The following FAM13A variants were observed in gnomAD, a reference collection of about 807,000 sequenced individuals.
FAM13A encodes protein FAM13A.
FAM13A carries 76 observed loss-of-function variants against 129.6 expected under a neutral mutation model. The ratio of observed to expected loss-of-function variants is 0.59; its 90% CI spans 0.49 to 0.71. The LOEUF (loss-of-function observed/expected upper bound fraction) is 0.71. Among genes scored for constraint, FAM13A ranks in the 30% least tolerant of loss-of-function variants. The pLI is 0.00. For missense variants in FAM13A, 1,108 were observed against 1,249.3 expected, an observed-to-expected ratio of 0.89 and a Z score of 1.70; for synonymous variants, 443 against 449.9, an observed-to-expected ratio of 0.98 and a Z score of 0.20.
chr4:88,880,570 C>T (rs184275566), intron 6 of FAM13A, among the ~76,000 whole-genome samples: 29 of 152,156 alleles, frequency 1.9e-4, no homozygotes, highest in South Asian at 2.1e-4. Flanking sequence ...TTCCACCGAA[C>T]GCAGAGTTTC....
chr4:88,984,252 A>C (rs564588704), intron 4 of FAM13A, among the ~76,000 whole-genome samples: 54 of 152,288 alleles, frequency 3.5e-4, no homozygotes, highest in African/African-American at 1.3e-3. Flanking sequence ...CTCAGGTACA[A>C]CACAAAAAGC....
At chr4:88,996,268 G>A (rs1050669679) in intron 3 of FAM13A, among the ~76,000 whole-genome samples, 3 of 152,180 alleles carry the variant, frequency 2.0e-5, no homozygotes, top group African/African-American at 7.2e-5. Context: ...GCTGTGGGGA[G>A]ACATGATCTG....
intron 6 of FAM13A, among the ~76,000 whole-genome samples, chr4:88,902,471 G>A (rs944484412): frequency 4.0e-5 from 6 of 151,800 alleles, no homozygotes; most frequent in Admixed American, 1.3e-4. Flanking sequence ...ATCAGTAAAT[G>A]TGATTCATCA....
intron 3 of FAM13A, among the ~76,000 whole-genome samples, chr4:89,004,651 G>C (rs1244427632): frequency 1.3e-5 from 2 of 152,188 alleles, no homozygotes; most frequent in African/African-American, 4.8e-5. Context: ...AGTTAGAATA[G>C]AGAAAGGCTA....
intron 6 of FAM13A, among the ~76,000 whole-genome samples, chr4:88,897,131 AT>A (rs1746482552): frequency 6.6e-6 from 1 of 152,142 alleles, no homozygotes. Flanking sequence ...GTAGAAGAAA[AT>A]TTTGTCTTCT....
intron 2 of FAM13A, among the ~76,000 whole-genome samples, chr4:89,027,926 C>G (rs540007119): frequency 6.6e-6 from 1 of 151,812 alleles, no homozygotes; most frequent in Non-Finnish European, 1.5e-5. Flanking sequence ...AATTGGTGGC[C>G]GGGTGCAGTG....
intron 7 of FAM13A, among the ~76,000 whole-genome samples, chr4:88,822,629 G>A (rs2869951): frequency 0.5 from 76,499 of 151,974 alleles, 19,545 homozygotes; most frequent in Middle Eastern, 0.61. Flanking sequence ...GCCTTAGCAG[G>A]AACACTGCTA....
intron 4 of FAM13A, among the ~76,000 whole-genome samples, chr4:88,939,078 T>A (rs1217315854): frequency 1.3e-5 from 2 of 152,206 alleles, no homozygotes; most frequent in East Asian, 3.8e-4. Context: ...ATTAATTTTC[T>A]GAGGCTGTTG....
chr4:89,038,461 A>G lies in FAM13A; in HGVS notation c.28-8812T>C, dbSNP rs1769674826. Among the ~76,000 whole-genome samples, 10 of 149,924 alleles carry G rather than the reference A, an allele frequency of 6.7e-5. No individual in the cohort carries two copies. In the South Asian group the frequency reaches 2.1e-3, roughly 31 times the overall value. ...CTGAGACATCTCACTCCAGAAAGCA[A>G]TAAAAAAAAAATGCTCAAGGCCTAA... On this transcript the variant is annotated intron_variant, in intron 1 of 23. Transcript: ENST00000264344.
chr4:89,041,488 C>T (rs1241322479), intron 1 of FAM13A, among the ~76,000 whole-genome samples: 1 of 152,154 alleles, frequency 6.6e-6, no homozygotes, highest in East Asian at 1.9e-4. Context: ...ATAACTCCCA[C>T]AAGCTTAGCG....
chr4:88,818,950 C>T (rs1035211492), intron 7 of FAM13A, among the ~76,000 whole-genome samples: 1 of 152,186 alleles, frequency 6.6e-6, no homozygotes, highest in Non-Finnish European at 1.5e-5. Context: ...TCAACGTTTA[C>T]GTTGGCAAAA....
chr4:88,842,001 A>C (rs912238999), intron 7 of FAM13A, among the ~76,000 whole-genome samples: 8 of 152,230 alleles, frequency 5.3e-5, no homozygotes, highest in African/African-American at 1.9e-4. Flanking sequence ...GATCCAACCC[A>C]AATGTACGTC....
intron 12 of FAM13A, 67 bp from the exon 13 acceptor site, chr4:88,767,662 C>A: frequency 8.1e-7 from 1 of 1,230,420 alleles, no homozygotes; most frequent in South Asian, 1.4e-5. Flanking sequence ...TTTTCATCCA[C>A]TGATATTATG....
At chr4:88,918,102 TC>T (rs1048091259) in intron 5 of FAM13A, among the ~76,000 whole-genome samples, 2 of 152,256 alleles carry the variant, frequency 1.3e-5, no homozygotes, top group African/African-American at 4.8e-5. Flanking sequence ...TTTTCTTTTG[TC>T]AAATTTTACC....
At chr4:88,944,903 CAA>C (rs35402009) in intron 4 of FAM13A, among the ~76,000 whole-genome samples, 17 of 137,370 alleles carry the variant, frequency 1.2e-4, no homozygotes, top group Non-Finnish European at 1.4e-4. Flanking sequence ...AACTCTGTCT[CAA>C]AAAAAAAAAA....
At chr4:88,969,720 C>G (rs553132885) in intron 4 of FAM13A, among the ~76,000 whole-genome samples, 2 of 152,284 alleles carry the variant, frequency 1.3e-5, no homozygotes, top group African/African-American at 4.8e-5. Context: ...ATTTAATCCT[C>G]CAGTCTTTAT....
intron 7 of FAM13A, among the ~76,000 whole-genome samples, chr4:88,818,151 T>C (rs1578801343): frequency 2.8e-5 from 1 of 35,892 alleles, no homozygotes; most frequent in Non-Finnish European, 5.7e-5. Flanking sequence ...GCCCAGATAA[T>C]TTTTTTTTTT....
intron 19 of FAM13A, among the ~76,000 whole-genome samples, chr4:88,742,241 T>TC (rs996196073): frequency 3.3e-5 from 5 of 152,190 alleles, no homozygotes; most frequent in Non-Finnish European, 7.4e-5. Context: ...GAAACCAATC[T>TC]CCTTCCTTAC....
intron 3 of FAM13A, among the ~76,000 whole-genome samples, chr4:88,997,485 T>A (rs774860217): frequency 2.0e-5 from 3 of 152,126 alleles, no homozygotes; most frequent in Non-Finnish European, 4.4e-5. Flanking sequence ...ACTCGAAAAC[T>A]GTACCATAAA....
Sources: gnomAD v4.1 joint callset for allele counts (sites outside exome capture counted in the v4.1 genomes callset) on GRCh38, gnomAD v4.1.1 for gene constraint, MANE v1.5 for transcripts, NCBI Gene and HGNC (gene_info 2026-07-23, HGNC 2026-07-21) for gene names.